Variants in SERINC2 observed in about 807,000 individuals in gnomAD.
SERINC2 encodes serine incorporator 2, also known as tumor differentially expressed protein 2.
SERINC2 carries 56 observed loss-of-function variants against 54.2 expected under a neutral mutation model. The ratio of observed to expected loss-of-function variants is 1.03; its 90% CI spans 0.83 to 1.29. The LOEUF (loss-of-function observed/expected upper bound fraction) is 1.29, where lower values mean the gene tolerates loss of function less well. Among genes scored for constraint, SERINC2 ranks in the 50% most tolerant of loss-of-function variants. The pLI is 0.00. For missense variants in SERINC2, 614 were observed against 607.4 expected, an observed-to-expected ratio of 1.01 and a Z score of -0.12; for synonymous variants, 272 against 253.1, an observed-to-expected ratio of 1.07 and a Z score of -0.71.
intron 1 of SERINC2, chr1:31,414,775 C>T (rs1023166517): frequency 1.0e-6 from 1 of 985,418 alleles, no homozygotes; most frequent in Non-Finnish European, 1.2e-6. Flanking sequence ...TCGGTTGCAC[C>T]TGGTGAGGCA....
chr1:31,411,421 T>C (rs2148508020), upstream of SERINC2, among the ~76,000 whole-genome samples: 1 of 152,338 alleles, frequency 6.6e-6, no homozygotes, highest in South Asian at 2.1e-4. Flanking sequence ...TTTCTCGGTT[T>C]CCTCATCTGT....
At position 31,429,067 on chromosome 1, in the gene SERINC2, T is replaced by C. The variant is rs1275027813; in HGVS notation, c.870T>C (p.Pro290=). 1 of 1,612,560 alleles carries C rather than the reference T, an allele frequency of 6.2e-7. No homozygotes were observed. The highest frequency in any genetic ancestry group is 1.3e-5 in the African/African-American group (1 of 74,862). Residue 290 remains proline, a splice_region_variant and synonymous_variant, in exon 7 of 10, where the codon CCT becomes CCC. Transcript: ENST00000373709. ...CCTGGTCAGCCCTATCCAGTATCCC[T>C]GGTAAGTATGGGCCCAGGCTCAAGG... ...FVTWSALSSI[P]EQKCNPHLPT...
Position 31,425,766 on chromosome 1 carries a change from C to T in SERINC2, c.473-10C>T, listed in dbSNP as rs782687446. The T allele has an allele frequency of 2.5e-6, 4 of 1,611,832 alleles. No homozygotes were observed. Among genetic ancestry groups the T allele is most frequent in the Non-Finnish European group, 3.4e-6 (4 of 1,179,526 alleles). Reference sequence around the variant, plus strand: ...GACCCTCCTCGCCTCACTCCCCTCTCCCCACCCAGTCTGGTTCTACTTCGG... The same window carrying T: ...GACCCTCCTCGCCTCACTCCCCTCTTCCCACCCAGTCTGGTTCTACTTCGG... On this transcript the variant is annotated splice_polypyrimidine_tract_variant and intron_variant, in intron 4 of 9. Coordinates refer to ENST00000373709, the MANE Select transcript of SERINC2 (RefSeq NM_178865.5).
At chr1:31,410,100 A>C (rs1410878410), upstream of SERINC2, 6 of 1,277,798 alleles carry the variant, frequency 4.7e-6, no homozygotes, top group Admixed American at 2.9e-5. Flanking sequence ...CATGGTTTAC[A>C]TAGCATTGGG....
At chr1:31,414,392 G>C (rs1640724476) in intron 1 of SERINC2, 3 of 1,187,522 alleles carry the variant, frequency 2.5e-6, no homozygotes, top group East Asian at 4.7e-5. Context: ...GCTGAATCTC[G>C]GGACTCGCTT....
At chr1:31,426,194 C>A (rs1298719803) in intron 5 of SERINC2, among the ~76,000 whole-genome samples, 2 of 152,092 alleles carry the variant, frequency 1.3e-5, no homozygotes, top group African/African-American at 4.8e-5. Flanking sequence ...GTGTGGGACG[C>A]CCTTTTGGTG....
At chr1:31,425,574 C>T (rs576057570) in intron 4 of SERINC2, among the ~76,000 whole-genome samples, 165 bp downstream of exon 4, 4 of 152,304 alleles carry the variant, frequency 2.6e-5, no homozygotes, top group East Asian at 1.9e-4. Flanking sequence ...CTTGGCCACA[C>T]GGCCTTTGTG....
chr1:31,422,306 A>AC (rs1405453650), intron 1 of SERINC2, among the ~76,000 whole-genome samples: 1 of 151,302 alleles, frequency 6.6e-6, no homozygotes, highest in Non-Finnish European at 1.5e-5. Flanking sequence ...CTCAAAAAAA[A>AC]AAAAACAAAA....
rs1292565825 is a variant in SERINC2, at chr1:31,413,321, G to A, written c.39+17G>A. On this transcript the variant is annotated intron_variant, in intron 1 of 9. Transcript: ENST00000373709. The surrounding 1 kb of genome is among the most constrained non-coding windows in gnomAD (Gnocchi z 5.0). ...CTCAGCTGCGTGAGTCCCGACCCCG[G>A]CGCCCGCCCGCGCGCGCCGCCCGTT... 2 of 1,242,044 alleles carry A rather than the reference G, an allele frequency of 1.6e-6. No homozygotes were observed. The highest frequency in any genetic ancestry group is 2.0e-6 in the Non-Finnish European group (2 of 988,832). The allele number at this position is 1,242,044 out of a possible 1,614,324, so 76.9% of individuals were successfully genotyped here.
intron 8 of SERINC2, among the ~76,000 whole-genome samples, chr1:31,432,095 GGGTGGACAGGGTGGATAGGGTGGTT>G (rs1557501195): frequency 3.1e-5 from 4 of 130,320 alleles, no homozygotes; most frequent in South Asian, 2.6e-4. Context: ...AGGGTGGACA[GGGTGGACAGGGTGGATAGGGTGGTT>G]AGGGTGGATA....
At chr1:31,432,127 G>GTT (rs1641293065) in intron 8 of SERINC2, among the ~76,000 whole-genome samples, 1 of 133,726 alleles carries the variant, frequency 7.5e-6, no homozygotes, top group Non-Finnish European at 1.6e-5. Context: ...GGTTAGGGTG[G>GTT]ATAGGGTGGA....
upstream of SERINC2, among the ~76,000 whole-genome samples, chr1:31,412,794 G>A (rs1553131634): frequency 6.6e-6 from 1 of 152,228 alleles, no homozygotes; most frequent in Non-Finnish European, 1.5e-5. Flanking sequence ...GCTCATAGAG[G>A]TGCAGTGACT....
chr1:31,427,480 G>A (rs1477327038), intron 6 of SERINC2, among the ~76,000 whole-genome samples: 1 of 152,166 alleles, frequency 6.6e-6, no homozygotes, highest in Non-Finnish European at 1.5e-5. Context: ...TCATATCCCA[G>A]TAAGAAAAGC....
At chr1:31,421,425 T>C (rs1258593271) in intron 1 of SERINC2, among the ~76,000 whole-genome samples, 2 of 152,176 alleles carry the variant, frequency 1.3e-5, no homozygotes, top group Admixed American at 1.3e-4. Context: ...AGGCAGGTCT[T>C]GGGGTGGCAG....
chr1:31,425,603 A>T (rs1641019317), intron 4 of SERINC2, among the ~76,000 whole-genome samples, 173 bp from the exon 5 acceptor site: 1 of 151,700 alleles, frequency 6.6e-6, no homozygotes, highest in African/African-American at 2.4e-5. Flanking sequence ...GGGTAGGGGG[A>T]GCTGTCTTGC....
At chr1:31,424,217 G>T (rs868928358) in intron 2 of SERINC2, among the ~76,000 whole-genome samples, 2 of 152,152 alleles carry the variant, frequency 1.3e-5, no homozygotes, top group African/African-American at 4.8e-5. Context: ...ATCACCGTAG[G>T]TGCCTTATAC....
upstream of SERINC2, chr1:31,413,000 G>C (rs1363521626): frequency 3.6e-6 from 1 of 279,706 alleles, no homozygotes; most frequent in Non-Finnish European, 5.5e-6. Flanking sequence ...CAGGATGCGA[G>C]CCCGGGCCAC....
chr1:31,422,256 G>A (rs1258518809), intron 1 of SERINC2, among the ~76,000 whole-genome samples: 5 of 147,732 alleles, frequency 3.4e-5, no homozygotes, highest in African/African-American at 1.0e-4. Flanking sequence ...CTGAGATTGC[G>A]CCACTGCACT....
chr1:31,430,544 C>A (rs56386842), intron 8 of SERINC2, among the ~76,000 whole-genome samples: 35,853 of 151,832 alleles, frequency 0.24, 5,098 homozygotes, highest in East Asian at 0.56. Flanking sequence ...GTGGTATGCA[C>A]CTTCTAGTCC....
Sources: gnomAD v4.1 joint callset for allele counts (sites outside exome capture counted in the v4.1 genomes callset) on GRCh38, gnomAD v4.1.1 for gene constraint, Gnocchi (gnomAD v3.1) non-coding constraint, MANE v1.5 for transcripts, NCBI Gene and HGNC (gene_info 2026-07-23, HGNC 2026-07-21) for gene names.